Variants in HPSE2 observed in about 807,000 individuals in gnomAD.
HPSE2 encodes the protein heparanase 2 (inactive).
Under a neutral mutation model 60.5 loss-of-function variants are expected in HPSE2, and 38 were observed. The observed-to-expected ratio is 0.63, with a 90% confidence interval of 0.48 to 0.82. The LOEUF (loss-of-function observed/expected upper bound fraction) is 0.82. HPSE2 is among the 40% of genes least tolerant of loss of function. HPSE2 has a pLI of 0.00. For synonymous variants in HPSE2, 295 were observed against 293.2 expected (o/e 1.01, Z -0.06); for missense variants, 713 against 740.4 (o/e 0.96, Z 0.43).
intron 3 of HPSE2, among the ~76,000 whole-genome samples, chr10:99,104,825 C>T (rs186972303): frequency 2.8e-4 from 42 of 152,124 alleles, no homozygotes; most frequent in Non-Finnish European, 4.6e-4. Context: ...AAAAACCAAA[C>T]ACCACATGTT....
At chr10:99,245,733 A>G in the HPSE2 span, among the ~76,000 whole-genome samples, 1 of 152,234 alleles carries the variant, frequency 6.6e-6, no homozygotes, top group African/African-American at 2.4e-5. Flanking sequence ...ACTTAGTGAA[A>G]TTAAATATGT....
At chr10:98,570,970 CTTG>C (rs1228728012) in intron 9 of HPSE2, among the ~76,000 whole-genome samples, 3 of 152,134 alleles carry the variant, frequency 2.0e-5, no homozygotes, top group Non-Finnish European at 2.9e-5. Context: ...ATGACATATG[CTTG>C]TTGTGGTCTC....
At chr10:99,241,608 A>G in the HPSE2 span, among the ~76,000 whole-genome samples, 7 of 152,272 alleles carry the variant, frequency 4.6e-5, no homozygotes, top group East Asian at 1.9e-4. Context: ...TGTTTAAAAC[A>G]TTATCCGGGT....
At chr10:99,002,750 G>T (rs1199301382) in intron 3 of HPSE2, among the ~76,000 whole-genome samples, 1 of 151,742 alleles carries the variant, frequency 6.6e-6, no homozygotes, top group Non-Finnish European at 1.5e-5. Flanking sequence ...AGATCAAAAA[G>T]TATTTTATAT....
At chr10:99,083,435 T>C (rs1275909389) in intron 3 of HPSE2, among the ~76,000 whole-genome samples, 1 of 152,218 alleles carries the variant, frequency 6.6e-6, no homozygotes, top group East Asian at 1.9e-4. Flanking sequence ...ATCAAAAGCA[T>C]CTGTGAAAAA....
At chr10:99,288,464 C>G in the HPSE2 span, among the ~76,000 whole-genome samples, 1 of 151,754 alleles carries the variant, frequency 6.6e-6, no homozygotes. Context: ...GGTGTAAATT[C>G]TGAAAAAGAG....
At chr10:99,174,358 T>G (rs1421265816) in intron 2 of HPSE2, among the ~76,000 whole-genome samples, 3 of 152,198 alleles carry the variant, frequency 2.0e-5, no homozygotes, top group Non-Finnish European at 4.4e-5. Flanking sequence ...ATATTTAAGT[T>G]CCTTAAAAAC....
intron 11 of HPSE2, among the ~76,000 whole-genome samples, chr10:98,474,355 T>C (rs1940910290): frequency 6.6e-6 from 1 of 152,200 alleles, no homozygotes; most frequent in African/African-American, 2.4e-5. Context: ...GGTGGCCAGT[T>C]CACCCCTCAG....
chr10:98,591,322 G>A (rs1159965404), intron 9 of HPSE2, among the ~76,000 whole-genome samples: 1 of 152,146 alleles, frequency 6.6e-6, no homozygotes, highest in East Asian at 1.9e-4. Flanking sequence ...TAATATCATT[G>A]ATCATCATTC....
chr10:98,937,382 C>T (rs1196631717), intron 3 of HPSE2, among the ~76,000 whole-genome samples: 3 of 144,652 alleles, frequency 2.1e-5, no homozygotes, highest in Admixed American at 6.8e-5. Context: ...CACTCCCACC[C>T]TAATACTGCG....
At chr10:99,227,757 G>A (rs1483611119) in intron 2 of HPSE2, among the ~76,000 whole-genome samples, 3 of 149,226 alleles carry the variant, frequency 2.0e-5, no homozygotes, top group Non-Finnish European at 4.5e-5. Context: ...AATTAGATAC[G>A]GTGTCTTCCT....
intron 9 of HPSE2, among the ~76,000 whole-genome samples, chr10:98,576,624 C>T (rs1421899220): frequency 2.6e-5 from 4 of 152,020 alleles, no homozygotes; most frequent in Admixed American, 2.0e-4. Flanking sequence ...GTCAGACCCC[C>T]TGTGTTTCAC....
intron 3 of HPSE2, among the ~76,000 whole-genome samples, chr10:98,960,701 C>CTTTTTTTTTTTTTTTTTTTTTTTTTTT: frequency 6.8e-4 from 39 of 57,512 alleles, no homozygotes; most frequent in East Asian, 1.0e-3. Context: ...ATGTACATTT[C>CTTTTTTTTTTTTTTTTTTTTTTTTTTT]TTTTTTTTTT....
intron 2 of HPSE2, among the ~76,000 whole-genome samples, chr10:99,175,201 A>G (rs1051433258): frequency 6.6e-6 from 1 of 152,260 alleles, no homozygotes; most frequent in African/African-American, 2.4e-5. Context: ...TTGGGCAGAC[A>G]CCAAGCTAGC....
chr10:98,666,932 T>A (rs1947378673), intron 6 of HPSE2, among the ~76,000 whole-genome samples: 1 of 151,598 alleles, frequency 6.6e-6, no homozygotes, highest in Non-Finnish European at 1.5e-5. Flanking sequence ...AGAGAAGAAC[T>A]GAACAAAACT....
intron 9 of HPSE2, among the ~76,000 whole-genome samples, chr10:98,526,293 T>C (rs1213458303): frequency 1.3e-5 from 2 of 152,232 alleles, no homozygotes; most frequent in Admixed American, 6.5e-5. Context: ...TGCAAAGGTA[T>C]AAGGAAAATT....
intron 3 of HPSE2, among the ~76,000 whole-genome samples, chr10:98,951,963 T>C (rs1955368710): frequency 6.6e-6 from 1 of 152,204 alleles, no homozygotes; most frequent in African/African-American, 2.4e-5. Context: ...GTGACTTGCC[T>C]AAGTTCTTAC....
chr10:98,612,106 G>A (rs902936466), intron 9 of HPSE2, among the ~76,000 whole-genome samples: 1 of 152,226 alleles, frequency 6.6e-6, no homozygotes, highest in Non-Finnish European at 1.5e-5. Flanking sequence ...CTCTGGAAAT[G>A]AAGCCTGTCT....
intron 11 of HPSE2, among the ~76,000 whole-genome samples, chr10:98,480,434 T>C (rs1283876676): frequency 6.6e-6 from 1 of 152,116 alleles, no homozygotes; most frequent in Non-Finnish European, 1.5e-5. Flanking sequence ...ACTATTATGG[T>C]GATGGCAAAA....
Sources: gnomAD v4.1 joint callset for allele counts (sites outside exome capture counted in the v4.1 genomes callset) on GRCh38, gnomAD v4.1.1 for gene constraint, MANE v1.5 for transcripts, NCBI Gene and HGNC (gene_info 2026-07-23, HGNC 2026-07-21) for gene names.